GOLPH3L: variants seen among roughly 807,000 people sequenced by gnomAD.
The protein encoded by GOLPH3L is golgi phosphoprotein 3 like.
Under a neutral mutation model 30.3 loss-of-function variants are expected in GOLPH3L, and 22 were observed. The ratio of observed to expected loss-of-function variants is 0.73; its 90% CI spans 0.52 to 1.04. The LOEUF (loss-of-function observed/expected upper bound fraction) is 1.04. Ranked by LOEUF, GOLPH3L falls within the 50% of genes least tolerant of loss-of-function variation. The pLI, the probability that GOLPH3L is intolerant of heterozygous loss-of-function variation, is 0.00. For missense variants in GOLPH3L, 303 were observed against 345.8 expected (o/e 0.88, Z 0.98); for synonymous variants, 120 against 128.2 (o/e 0.94, Z 0.43).
At position 150,669,690 on chromosome 1, in the gene GOLPH3L, G is replaced by A. The variant is rs112871649; in HGVS notation, c.184-5927C>T. 8.2e-3 allele frequency among the ~76,000 whole-genome samples: 1,254 copies of A among 152,026 alleles called. 9 individuals are homozygous for A. Among genetic ancestry groups the A allele is most frequent in the Non-Finnish European group, 0.011 (739 of 67,894 alleles). On this transcript the variant is annotated intron_variant, in intron 2 of 4. Coordinates refer to ENST00000271732, the MANE Select transcript of GOLPH3L (RefSeq NM_018178.6). ...TAATATACATCTGTAGGCCGGGCGCGGTGGCTCACACCTGTAATCCCTGCA... is the reference window on the plus strand; with the variant it reads ...TAATATACATCTGTAGGCCGGGCGCAGTGGCTCACACCTGTAATCCCTGCA...
At chr1:150,686,734 G>C (rs779836591) in intron 2 of GOLPH3L, among the ~76,000 whole-genome samples, 12 of 152,164 alleles carry the variant, frequency 7.9e-5, no homozygotes, top group Admixed American at 2.6e-4. Flanking sequence ...CAAGTGGGCA[G>C]CTTTGTCTCA....
chr1:150,678,261 G>A (rs1383463645), intron 2 of GOLPH3L, among the ~76,000 whole-genome samples: 2 of 92,842 alleles, frequency 2.2e-5, no homozygotes, highest in African/African-American at 4.2e-5. Context: ...ATCGCCTTGG[G>A]CAACAAGATC....
chr1:150,688,354 T>C (rs1408506983), intron 2 of GOLPH3L, among the ~76,000 whole-genome samples: 4 of 152,250 alleles, frequency 2.6e-5, no homozygotes. Context: ...TCTGTGGTTA[T>C]TCCAGTTGCA....
chr1:150,663,283 G>A (rs959438564), intron 3 of GOLPH3L, among the ~76,000 whole-genome samples: 3 of 151,844 alleles, frequency 2.0e-5, no homozygotes, highest in Non-Finnish European at 4.4e-5. Flanking sequence ...CTCATGATCC[G>A]CCCGCCTCGG....
chr1:150,663,012 T>G (rs993237568), intron 3 of GOLPH3L, among the ~76,000 whole-genome samples: 6 of 151,344 alleles, frequency 4.0e-5, no homozygotes, highest in African/African-American at 1.2e-4. Context: ...TATGAGTCCC[T>G]CTCCCTACAT....
chr1:150,687,777 AG>A (rs1651121734), intron 2 of GOLPH3L, among the ~76,000 whole-genome samples: 1 of 152,226 alleles, frequency 6.6e-6, no homozygotes, highest in Non-Finnish European at 1.5e-5. Context: ...CCATACGTAT[AG>A]TGGATAACAG....
chr1:150,687,179 A>G (rs1311719232), intron 2 of GOLPH3L, among the ~76,000 whole-genome samples: 1 of 152,100 alleles, frequency 6.6e-6, no homozygotes, highest in Non-Finnish European at 1.5e-5. Flanking sequence ...TATTTTAATT[A>G]TAATAAAATG....
chr1:150,661,088 C>T (rs587691023), intron 4 of GOLPH3L, among the ~76,000 whole-genome samples: 1 of 152,176 alleles, frequency 6.6e-6, no homozygotes, highest in East Asian at 1.9e-4. Context: ...ATTAGCCAGG[C>T]GTGGTGGCAC....
At chr1:150,672,484 G>A (rs1304757975) in intron 2 of GOLPH3L, among the ~76,000 whole-genome samples, 1 of 152,212 alleles carries the variant, frequency 6.6e-6, no homozygotes, top group African/African-American at 2.4e-5. Flanking sequence ...AGGCTGGAGT[G>A]CAGTGGCACA....
In GOLPH3L at chr1:150,668,741, A is replaced by G. The variant is rs587742670; in HGVS notation, c.184-4978T>C. Among the ~76,000 whole-genome samples, 7 of 151,864 alleles carry G rather than the reference A, an allele frequency of 4.6e-5. No individual in the cohort carries two copies. The East Asian group carries it at 9.6e-4, about 21-fold the overall frequency. On this transcript the variant is annotated intron_variant, in intron 2 of 4. Coordinates refer to ENST00000271732, the MANE Select transcript of GOLPH3L (RefSeq NM_018178.6). ...GGGTAGGCTTTTTTTTTAGGTTAAC[A>G]CTTGTTTTTTTTTATAGTTTAGCTA... is the stretch of plus-strand genomic sequence containing the variant.
intron 2 of GOLPH3L, among the ~76,000 whole-genome samples, chr1:150,664,005 AT>A (rs143298898): frequency 3.2e-4 from 47 of 149,200 alleles, no homozygotes; most frequent in Middle Eastern, 3.5e-3. Context: ...ATGATGTGCA[AT>A]TTTTTTTTTT....
chr1:150,679,392 CA>C (rs1454057778), intron 2 of GOLPH3L, among the ~76,000 whole-genome samples: 1 of 152,184 alleles, frequency 6.6e-6, no homozygotes, highest in Non-Finnish European at 1.5e-5. Flanking sequence ...AGTCTTCTGG[CA>C]GACATTTAAG....
At chr1:150,661,980 T>TA (rs1371174754) in intron 3 of GOLPH3L, 52 bp from the exon 4 acceptor site, 1 of 836,692 alleles carries the variant, frequency 1.2e-6, no homozygotes, top group South Asian at 1.3e-5. Context: ...TCATTCAAGT[T>TA]AAAATCTTTC....
intron 2 of GOLPH3L, among the ~76,000 whole-genome samples, chr1:150,678,230 C>A (rs1348575722): frequency 8.5e-6 from 1 of 117,940 alleles, no homozygotes; most frequent in East Asian, 2.8e-4. Flanking sequence ...ACCCGGGAGG[C>A]GGAGGTTTCA....
intron 2 of GOLPH3L, among the ~76,000 whole-genome samples, chr1:150,666,299 A>C (rs1650497629): frequency 6.6e-6 from 1 of 151,634 alleles, no homozygotes; most frequent in Non-Finnish European, 1.5e-5. Context: ...TTAACCTTTT[A>C]TATTTTCCAT....
chr1:150,693,797 A>ATGTATGTGTGTG (rs1553189136), intron 2 of GOLPH3L, among the ~76,000 whole-genome samples: 2 of 60,988 alleles, frequency 3.3e-5, no homozygotes, highest in African/African-American at 1.7e-4. Context: ...TTGTTTATGT[A>ATGTATGTGTGTG]TGTGTGTGTG....
intron 2 of GOLPH3L, among the ~76,000 whole-genome samples, chr1:150,676,662 G>T: frequency 7.0e-6 from 1 of 141,994 alleles, no homozygotes; most frequent in Non-Finnish European, 1.5e-5. Flanking sequence ...TTGAGATGGA[G>T]TTTCACTCTG....
intron 2 of GOLPH3L, among the ~76,000 whole-genome samples, chr1:150,670,208 G>A (rs984518713): frequency 2.0e-5 from 3 of 152,110 alleles, no homozygotes; most frequent in African/African-American, 7.2e-5. Flanking sequence ...GTTGCAGTGA[G>A]CTGAGATCTC....
At chr1:150,681,502 T>C (rs913099506) in intron 2 of GOLPH3L, among the ~76,000 whole-genome samples, 1 of 152,074 alleles carries the variant, frequency 6.6e-6, no homozygotes, top group Non-Finnish European at 1.5e-5. Flanking sequence ...CAAATGGGAC[T>C]GGAGTGGTAA....
Sources: gnomAD v4.1 joint callset for allele counts (sites outside exome capture counted in the v4.1 genomes callset) on GRCh38, gnomAD v4.1.1 for gene constraint, MANE v1.5 for transcripts, NCBI Gene and HGNC (gene_info 2026-07-23, HGNC 2026-07-21) for gene names.